Variants in CD2AP observed in about 807,000 individuals in gnomAD.
CD2AP encodes CD2 associated protein, also known as CD2-associated protein.
CD2AP carries 46 observed loss-of-function variants against 85.1 expected under a neutral mutation model. The ratio of observed to expected loss-of-function variants is 0.54; its 90% CI spans 0.43 to 0.69. The LOEUF (loss-of-function observed/expected upper bound fraction) is 0.69, where lower values mean the gene tolerates loss of function less well. Ranked by LOEUF, CD2AP falls within the 30% of genes least tolerant of loss-of-function variation. CD2AP has a pLI of 0.00. For missense variants in CD2AP, 769 were observed against 729.5 expected (o/e 1.05, Z -0.62); for synonymous variants, 255 against 252.9 (o/e 1.01, Z -0.08).
chr6:47,590,694 A>T (rs1245423941), intron 11 of CD2AP, among the ~76,000 whole-genome samples: 1 of 152,140 alleles, frequency 6.6e-6, no homozygotes, highest in Non-Finnish European at 1.5e-5. Flanking sequence ...GTATATACAG[A>T]GGGATGACTG....
chr6:47,539,671 A>C (rs1056827155), intron 3 of CD2AP, among the ~76,000 whole-genome samples: 2 of 152,104 alleles, frequency 1.3e-5, no homozygotes, highest in African/African-American at 4.8e-5. Flanking sequence ...GGTAAATGAG[A>C]TAGTGAGTGT....
intron 17 of CD2AP, among the ~76,000 whole-genome samples, chr6:47,615,243 C>A (rs1394437519): frequency 2.0e-5 from 3 of 152,130 alleles, no homozygotes; most frequent in Admixed American, 1.3e-4. Flanking sequence ...ATTTTTTGCA[C>A]ATTATCTCAT....
intron 2 of CD2AP, among the ~76,000 whole-genome samples, chr6:47,507,524 GGTTCAAGCGATTCTCCTCGCCTCCCTA>G (rs1306708250): frequency 1.3e-5 from 2 of 152,118 alleles, no homozygotes; most frequent in Non-Finnish European, 2.9e-5. Context: ...CTGCCTCCCA[GGTTCAAGCGATTCTCCTCGCCTCCCTA>G]GTTCAAGCGA....
intron 11 of CD2AP, among the ~76,000 whole-genome samples, chr6:47,594,988 T>C (rs1221878740): frequency 6.6e-6 from 1 of 151,950 alleles, no homozygotes; most frequent in Non-Finnish European, 1.5e-5. Flanking sequence ...ATTTTGAAAA[T>C]TATTCAGTAT....
At chr6:47,542,756 A>G (rs1293103778) in intron 3 of CD2AP, among the ~76,000 whole-genome samples, 1 of 152,210 alleles carries the variant, frequency 6.6e-6, no homozygotes, top group African/African-American at 2.4e-5. Flanking sequence ...TACCTAGAAT[A>G]AGCCTGGCCC....
At chr6:47,485,185 A>G (rs987568062) in intron 1 of CD2AP, among the ~76,000 whole-genome samples, 3 of 152,178 alleles carry the variant, frequency 2.0e-5, no homozygotes, top group Non-Finnish European at 2.9e-5. Flanking sequence ...CTACTTATTA[A>G]AAGAAGTTAA....
chr6:47,494,152 G>C (rs1256319936), intron 1 of CD2AP, among the ~76,000 whole-genome samples: 1 of 152,106 alleles, frequency 6.6e-6, no homozygotes, highest in Non-Finnish European at 1.5e-5. Flanking sequence ...GTCATATTAG[G>C]TAATAGGAAC....
At chr6:47,486,293 A>C (rs1765561847) in intron 1 of CD2AP, among the ~76,000 whole-genome samples, 1 of 152,228 alleles carries the variant, frequency 6.6e-6, no homozygotes, top group South Asian at 2.1e-4. Context: ...CTGGGTTCTG[A>C]CATAAATGCT....
intron 16 of CD2AP, among the ~76,000 whole-genome samples, chr6:47,610,602 G>T (rs186352878): frequency 1.7e-3 from 264 of 151,842 alleles, no homozygotes; most frequent in African/African-American, 5.7e-3. Context: ...ACTTTCACAG[G>T]TATTCCTTAG....
intron 11 of CD2AP, 44 bp downstream of exon 11, chr6:47,582,109 A>C: frequency 8.6e-7 from 1 of 1,162,628 alleles, no homozygotes. Flanking sequence ...TATTTCTTTT[A>C]TTGTCATTTT....
chr6:47,616,671 G>A (rs543883383), intron 17 of CD2AP, among the ~76,000 whole-genome samples: 62 of 152,268 alleles, frequency 4.1e-4, no homozygotes, highest in African/African-American at 1.5e-3. Context: ...CCTTCTTGAT[G>A]TACTGCAGTT....
intron 3 of CD2AP, among the ~76,000 whole-genome samples, chr6:47,537,007 T>C (rs1232413919): frequency 6.6e-6 from 1 of 152,222 alleles, no homozygotes; most frequent in Admixed American, 6.5e-5. Context: ...GTATTTTCCT[T>C]AGTAGTGGAA....
At chr6:47,546,246 A>G (rs1179299522) in intron 4 of CD2AP, among the ~76,000 whole-genome samples, 1 of 152,158 alleles carries the variant, frequency 6.6e-6, no homozygotes, top group Non-Finnish European at 1.5e-5. Context: ...TTGAACAAGC[A>G]GAAGAAATAA....
chr6:47,494,165 C>T (rs1054841059), intron 1 of CD2AP, among the ~76,000 whole-genome samples: 3 of 152,200 alleles, frequency 2.0e-5, no homozygotes, highest in African/African-American at 4.8e-5. Flanking sequence ...ATAGGAACTG[C>T]GGTAGTTAAA....
At chr6:47,530,989 A>G (rs1391161577) in intron 2 of CD2AP, among the ~76,000 whole-genome samples, 1 of 152,100 alleles carries the variant, frequency 6.6e-6, no homozygotes, top group Non-Finnish European at 1.5e-5. Flanking sequence ...TGGCTGGGCA[A>G]AACTAGTACC....
chr6:47,504,188 A>C (rs1458584429), intron 2 of CD2AP, among the ~76,000 whole-genome samples: 1 of 152,178 alleles, frequency 6.6e-6, no homozygotes, highest in South Asian at 2.1e-4. Context: ...ATCAGTTATA[A>C]TTGTCTTGTT....
intron 1 of CD2AP, among the ~76,000 whole-genome samples, chr6:47,498,977 C>A (rs149371059): frequency 6.6e-6 from 1 of 152,050 alleles, no homozygotes. Context: ...TTATTTTATT[C>A]GATGGGGTAT....
intron 2 of CD2AP, among the ~76,000 whole-genome samples, chr6:47,512,114 C>T (rs1046100200): frequency 1.3e-5 from 2 of 151,896 alleles, no homozygotes; most frequent in South Asian, 2.1e-4. Context: ...GCCGAGATCG[C>T]GCCACTGCAC....
chr6:47,584,296 A>C (rs1216783451), intron 11 of CD2AP, among the ~76,000 whole-genome samples: 6 of 152,140 alleles, frequency 3.9e-5, no homozygotes, highest in African/African-American at 1.4e-4. Context: ...GCCATACCCA[A>C]GGTCATCTGG....
Sources: gnomAD v4.1 joint callset for allele counts (sites outside exome capture counted in the v4.1 genomes callset) on GRCh38, gnomAD v4.1.1 for gene constraint, MANE v1.5 for transcripts, NCBI Gene and HGNC (gene_info 2026-07-23, HGNC 2026-07-21) for gene names.